HTR2C: variants seen among roughly 807,000 people sequenced by gnomAD.
HTR2C encodes 5-hydroxytryptamine (serotonin) receptor 2C, G protein-coupled.
HTR2C carries 5 observed loss-of-function variants against 21.0 expected under a neutral mutation model. The observed-to-expected ratio is 0.24, with a 90% confidence interval of 0.12 to 0.50. HTR2C has a LOEUF of 0.50. Among genes scored for constraint, HTR2C ranks in the 20% least tolerant of loss-of-function variants. The pLI is 0.98. For synonymous variants in HTR2C, 150 were observed against 145.3 expected (o/e 1.03, Z -0.23); for missense variants, 271 against 371.2 (o/e 0.73, Z 2.22).
At chrX:114,683,560 G>A (rs1040284678) in intron 2 of HTR2C, among the ~76,000 whole-genome samples, 3 of 110,726 alleles carry the variant, frequency 2.7e-5, no homozygotes, top group East Asian at 2.9e-4. Flanking sequence ...CAAGGCGGGC[G>A]GATCACTTGA....
intron 1 of HTR2C, among the ~76,000 whole-genome samples, chrX:114,604,149 G>C (rs1928279544): frequency 1.8e-5 from 2 of 108,750 alleles, no homozygotes; most frequent in Non-Finnish European, 3.8e-5. Flanking sequence ...TGTGGGTTAA[G>C]GTGGGGGGAT....
intron 4 of HTR2C, among the ~76,000 whole-genome samples, chrX:114,758,881 C>T (rs1441882676): frequency 9.0e-6 from 1 of 111,581 alleles, no homozygotes; most frequent in African/African-American, 3.3e-5. Flanking sequence ...AATATATCCC[C>T]CCACTTTTGT....
chrX:114,886,824 A>G (rs782523743), intron 5 of HTR2C, among the ~76,000 whole-genome samples: 6 of 111,173 alleles, frequency 5.4e-5, no homozygotes, highest in East Asian at 5.6e-4. Flanking sequence ...ATTTTTTCCT[A>G]TGGGTTCAAG....
chrX:114,592,422 A>G (rs1168030717), intron 1 of HTR2C, among the ~76,000 whole-genome samples: 1 of 112,194 alleles, frequency 8.9e-6, no homozygotes, highest in African/African-American at 3.2e-5. Flanking sequence ...CATAGTGGAT[A>G]TTCTGAGTCT....
intron 1 of HTR2C, among the ~76,000 whole-genome samples, chrX:114,603,403 A>G (rs1334562228): frequency 3.7e-5 from 4 of 109,117 alleles, no homozygotes; most frequent in African/African-American, 1.3e-4. Flanking sequence ...CATGAGGGCT[A>G]GGCTAAAACA....
At chrX:114,814,893 AT>A (rs1257438873) in intron 4 of HTR2C, among the ~76,000 whole-genome samples, 41 of 101,960 alleles carry the variant, frequency 4.0e-4, no homozygotes, top group African/African-American at 1.4e-3. Context: ...AATATATATT[AT>A]AATATTATAT....
intron 4 of HTR2C, among the ~76,000 whole-genome samples, chrX:114,760,444 G>A (rs1248251295): frequency 1.8e-5 from 2 of 111,647 alleles, no homozygotes; most frequent in African/African-American, 6.5e-5. Flanking sequence ...TAAAATATCT[G>A]CTATGGAGCA....
intron 4 of HTR2C, among the ~76,000 whole-genome samples, chrX:114,762,653 G>A (rs1276877650): frequency 1.8e-5 from 2 of 111,831 alleles, no homozygotes; most frequent in Admixed American, 9.5e-5. Context: ...TTTGCCTGCA[G>A]ATAAATTTTG....
chrX:114,729,685 G>A (rs1290835683), intron 3 of HTR2C, among the ~76,000 whole-genome samples: 1 of 111,509 alleles, frequency 9.0e-6, no homozygotes, highest in Non-Finnish European at 1.9e-5. Context: ...TAAGAATTAC[G>A]ATTTCTCTGA....
Position 114,603,722 on chromosome X carries a change from T to C in HTR2C, c.-146-10093T>C, listed in dbSNP as rs60669309. Among the ~76,000 whole-genome samples, 74 of 22,361 alleles carry C rather than the reference T, an allele frequency of 3.3e-3. 4 individuals are homozygous for C. Among genetic ancestry groups the C allele is most frequent in the East Asian group, 0.026 (2 of 76 alleles). The allele number at this position is 22,361 out of a possible 115,157, so 19.4% of individuals were successfully genotyped here. A position where few individuals can be genotyped will look rare whatever the true frequency, so the allele number is the denominator to read the frequency against. Reference sequence around the variant, plus strand: ...AGCTTGATGGGTGTCAGAGTCAGTCTAAGTGAAAGTGAAGAGAGGCTGGGA... The same window carrying C: ...AGCTTGATGGGTGTCAGAGTCAGTCCAAGTGAAAGTGAAGAGAGGCTGGGA... On this transcript the variant is annotated intron_variant, in intron 1 of 5. Transcript: ENST00000276198.
chrX:114,603,856 G>A (rs1292480179), intron 1 of HTR2C, among the ~76,000 whole-genome samples: 14 of 101,774 alleles, frequency 1.4e-4, no homozygotes, highest in Non-Finnish European at 2.6e-4. Context: ...TTGGCACCAA[G>A]GGGTGGATAG....
rs903992559 is a variant in HTR2C, at chrX:114,620,473, A to G, written c.-80+6592A>G. Reference sequence around the variant, plus strand: ...ATTGCCAATACGGCTTACATTTCACACTATATATTTATGCATACATGTAAT... The same window carrying G: ...ATTGCCAATACGGCTTACATTTCACGCTATATATTTATGCATACATGTAAT... On this transcript the variant is annotated intron_variant, in intron 2 of 5. Transcript: ENST00000276198. Among the ~76,000 whole-genome samples, 7 of 111,770 alleles carry G rather than the reference A, an allele frequency of 6.3e-5. 1 individual carries two copies. The highest frequency in any genetic ancestry group is 1.9e-4 in the Admixed American group (2 of 10,406).
chrX:114,687,209 C>T (rs1264632469), intron 2 of HTR2C, among the ~76,000 whole-genome samples: 6 of 112,240 alleles, frequency 5.3e-5, no homozygotes, highest in Non-Finnish European at 9.4e-5. Flanking sequence ...TAGCAAGATA[C>T]GAAGTGGGAA....
At chrX:114,861,759 T>C (rs2071008313) in intron 5 of HTR2C, among the ~76,000 whole-genome samples, 1 of 111,636 alleles carries the variant, frequency 9.0e-6, no homozygotes, top group Non-Finnish European at 1.9e-5. Context: ...TACATATACC[T>C]GTTGGAGATT....
chrX:114,875,142 G>A (rs1257439162), intron 5 of HTR2C, among the ~76,000 whole-genome samples: 10 of 111,065 alleles, frequency 9.0e-5, no homozygotes, highest in African/African-American at 3.3e-4. Context: ...GGTAGAAGAG[G>A]TAAGGGTTTC....
In HTR2C at chrX:114,906,672, C is replaced by A. The variant is rs1556486848; in HGVS notation, c.634C>A (p.Pro212Thr). ...CAACACGACGTGCGTGCTCAACGAC[C>A]CAAATTTCGTTCTTATTGGGTCCTT... ...VNNTTCVLND[P>T]NFVLIGSFVA... The change falls in exon 6 of 6, where the codon CCA (proline) becomes ACA (threonine). Residue 212 changes from proline (P) to threonine (T), a missense_variant. Physicochemically the swap from Pro to Thr is conservative, Grantham distance 38 (BLOSUM62 -1). Transcript: ENST00000276198. 1 of 1,210,887 alleles carries A rather than the reference C, an allele frequency of 8.3e-7. No individual in the cohort carries two copies. The highest frequency in any genetic ancestry group is 1.1e-6 in the Non-Finnish European group (1 of 895,075).
intron 5 of HTR2C, among the ~76,000 whole-genome samples, chrX:114,887,296 C>T (rs905869384): frequency 9.0e-5 from 10 of 111,189 alleles, no homozygotes; most frequent in Non-Finnish European, 1.5e-4. Flanking sequence ...AACATGAGAA[C>T]GCTCTCTTCA....
intron 4 of HTR2C, among the ~76,000 whole-genome samples, chrX:114,830,584 TTTTA>T (rs1365819891): frequency 1.3e-4 from 14 of 109,729 alleles, no homozygotes; most frequent in African/African-American, 4.3e-4. Flanking sequence ...ATTGGTAACT[TTTTA>T]TTTTTTTATT....
chrX:114,701,047 AG>A, intron 2 of HTR2C, among the ~76,000 whole-genome samples: 1 of 112,326 alleles, frequency 8.9e-6, no homozygotes, highest in East Asian at 2.8e-4. Context: ...AGGTAAACAA[AG>A]CAGCCGGGAA....
Sources: allele counts gnomAD v4.1 joint callset (sites outside exome capture counted in the v4.1 genomes callset), GRCh38; gene constraint gnomAD v4.1.1; transcripts MANE v1.5; gene names NCBI Gene and HGNC (gene_info 2026-07-23, HGNC 2026-07-21).